Variants in PPP2R2B observed in about 807,000 individuals in gnomAD.
PPP2R2B encodes protein phosphatase 2 regulatory subunit Bbeta.
In PPP2R2B, 5 loss-of-function variants were observed where a neutral mutation model predicts 46.0. The ratio of observed to expected loss-of-function variants is 0.11; its 90% confidence interval spans 0.06 to 0.23. PPP2R2B has a LOEUF of 0.23. Ranked by LOEUF, PPP2R2B falls within the 10% of genes least tolerant of loss-of-function variation. PPP2R2B has a pLI of 1.00. For synonymous variants in PPP2R2B, 215 were observed against 206.7 expected (o/e 1.04, Z -0.34); for missense variants, 367 against 575.0 (o/e 0.64, Z 3.70).
intron 2 of PPP2R2B, among the ~76,000 whole-genome samples, chr5:146,704,499 G>A (rs556756962): frequency 6.6e-6 from 1 of 152,150 alleles, no homozygotes; most frequent in African/African-American, 2.4e-5. Context: ...CTACAAACTT[G>A]AGCATTTTTC....
At chr5:146,863,293 A>G (rs751307449) in intron 2 of PPP2R2B, among the ~76,000 whole-genome samples, 3 of 152,180 alleles carry the variant, frequency 2.0e-5, no homozygotes, top group African/African-American at 4.8e-5. Context: ...ATTGCAGGAT[A>G]TGTCAGCTGG....
At chr5:146,598,539 G>T (rs978533241) in intron 8 of PPP2R2B, among the ~76,000 whole-genome samples, 3 of 152,140 alleles carry the variant, frequency 2.0e-5, no homozygotes, top group African/African-American at 7.2e-5. Context: ...TACCTGCTGT[G>T]TCTGTTTGGA....
intron 2 of PPP2R2B, among the ~76,000 whole-genome samples, chr5:147,074,531 A>G (rs1757701960): frequency 6.6e-6 from 1 of 152,210 alleles, no homozygotes; most frequent in African/African-American, 2.4e-5. Flanking sequence ...TCTTTCTATA[A>G]AATGAGGTGA....
chr5:146,939,569 G>T (rs972028157), intron 1 of PPP2R2B, among the ~76,000 whole-genome samples: 1 of 152,048 alleles, frequency 6.6e-6, no homozygotes, highest in Non-Finnish European at 1.5e-5. Context: ...AAACTTTTTG[G>T]TGGCCTAGGC....
chr5:147,020,924 T>A (rs1755230678), intron 1 of PPP2R2B, among the ~76,000 whole-genome samples: 1 of 152,200 alleles, frequency 6.6e-6, no homozygotes, highest in Non-Finnish European at 1.5e-5. Context: ...ATTTTCCAGG[T>A]CTATTATGAT....
intron 1 of PPP2R2B, among the ~76,000 whole-genome samples, chr5:146,989,908 T>A (rs570353586): frequency 2.5e-4 from 38 of 151,844 alleles, no homozygotes; most frequent in African/African-American, 8.0e-4. Context: ...AGTTGCAGGA[T>A]ACAAAATCAA....
intron 5 of PPP2R2B, among the ~76,000 whole-genome samples, chr5:146,674,841 C>T (rs1252942206): frequency 6.6e-6 from 1 of 152,204 alleles, no homozygotes; most frequent in Admixed American, 6.5e-5. Flanking sequence ...AGAAGAAGCA[C>T]AAGACTTAGT....
intron 2 of PPP2R2B, among the ~76,000 whole-genome samples, chr5:147,066,589 A>G (rs1757420777): frequency 6.6e-6 from 1 of 152,118 alleles, no homozygotes; most frequent in Non-Finnish European, 1.5e-5. Flanking sequence ...TAGCACCTGG[A>G]ATGTTGGATG....
intron 2 of PPP2R2B, among the ~76,000 whole-genome samples, chr5:146,795,332 A>ACATG (rs776071742): frequency 1.6e-4 from 24 of 152,238 alleles, no homozygotes; most frequent in Non-Finnish European, 3.2e-4. Context: ...AATGTGGTAT[A>ACATG]CATGCAAAAC....
intron 1 of PPP2R2B, among the ~76,000 whole-genome samples, chr5:147,003,382 G>T (rs1754280162): frequency 6.6e-6 from 1 of 152,122 alleles, no homozygotes; most frequent in Non-Finnish European, 1.5e-5. Flanking sequence ...CCAGGTACGT[G>T]TCCCTTCTCT....
At chr5:146,725,120 C>T (rs1158009923) in intron 2 of PPP2R2B, among the ~76,000 whole-genome samples, 1 of 152,190 alleles carries the variant, frequency 6.6e-6, no homozygotes, top group East Asian at 1.9e-4. Flanking sequence ...TTCTTCTCTT[C>T]CCTTTGCCTT....
rs1288026152 is a variant in PPP2R2B, at chr5:147,035,038, A to G, written c.79+20627T>C. On this transcript the variant is annotated intron_variant, in intron 1 of 8. Transcript: ENST00000336640. ...CATGACAGCCAGATAAAACTTTGGT[A>G]GCAATCTCTGAACTCAGCTCATTTA... 10 of 448,752 alleles carry G rather than the reference A, an allele frequency of 2.2e-5. No individual in the cohort carries two copies. In the East Asian group the frequency reaches 7.3e-4, roughly 33 times the overall value. 27.8% of individuals were successfully genotyped at this position (448,752 alleles called of 1,614,324 possible).
chr5:146,810,488 CAAGAT>C (rs1490064508), intron 2 of PPP2R2B, among the ~76,000 whole-genome samples: 5 of 152,154 alleles, frequency 3.3e-5, no homozygotes, highest in Non-Finnish European at 7.3e-5. Flanking sequence ...AGCTACAATT[CAAGAT>C]GAGATTTGGG....
chr5:147,055,164 T>G (rs1176034597), intron 1 of PPP2R2B, among the ~76,000 whole-genome samples: 1 of 152,198 alleles, frequency 6.6e-6, no homozygotes, highest in Non-Finnish European at 1.5e-5. Flanking sequence ...TACTGCTCTG[T>G]AACCCAAGTA....
intron 2 of PPP2R2B, among the ~76,000 whole-genome samples, chr5:146,761,500 A>C (rs1158932364): frequency 6.6e-6 from 1 of 152,108 alleles, no homozygotes; most frequent in African/African-American, 2.4e-5. Context: ...AACATCACAC[A>C]CTGGGGACTG....
intron 1 of PPP2R2B, among the ~76,000 whole-genome samples, chr5:146,961,956 G>A (rs1403519869): frequency 6.6e-6 from 1 of 151,662 alleles, no homozygotes; most frequent in East Asian, 1.9e-4. Context: ...ATGAATTAAG[G>A]AGTCACCATC....
Position 146,878,432 on chromosome 5 carries a change from G to T in PPP2R2B, c.-125+159C>A. The stretch of plus-strand genomic sequence containing the variant: ...CCGCCCCGGAGGCGCTCACAAGCGG[G>T]TCTGGGGAGATGCCCAACAGGTTCC... On this transcript the variant is annotated intron_variant, in intron 1 of 9. Coordinates refer to ENST00000394411, the MANE Select transcript of PPP2R2B (RefSeq NM_181675.4). The surrounding 1 kb of genome is among the most constrained non-coding windows in gnomAD (Gnocchi z 4.5). The T allele has an allele frequency of 7.1e-7, 1 of 1,408,876 alleles. No individual in the cohort carries two copies. The highest frequency in any genetic ancestry group is 9.2e-7 in the Non-Finnish European group (1 of 1,084,262). The allele number at this position is 1,408,876 out of a possible 1,614,324, so 87.3% of individuals were successfully genotyped here.
intron 1 of PPP2R2B, among the ~76,000 whole-genome samples, chr5:146,951,526 C>T (rs1751592710): frequency 6.6e-6 from 1 of 151,860 alleles, no homozygotes; most frequent in Non-Finnish European, 1.5e-5. Flanking sequence ...AGGTCCCTCC[C>T]AATAGGCCCC....
At chr5:146,651,788 A>C (rs538675147) in intron 5 of PPP2R2B, among the ~76,000 whole-genome samples, 2 of 152,224 alleles carry the variant, frequency 1.3e-5, no homozygotes, top group East Asian at 3.9e-4. Flanking sequence ...TAAGACTTCA[A>C]CTTCTGGATT....
Sources: gnomAD v4.1 joint callset for allele counts (sites outside exome capture counted in the v4.1 genomes callset) on GRCh38, gnomAD v4.1.1 for gene constraint, Gnocchi (gnomAD v3.1) non-coding constraint, MANE v1.5 for transcripts, NCBI Gene and HGNC (gene_info 2026-07-23, HGNC 2026-07-21) for gene names.